The following MED18 variants were observed in gnomAD, a reference collection of about 807,000 sequenced individuals.
MED18 encodes mediator of RNA polymerase II transcription subunit 18.
MED18 carries 10 observed loss-of-function variants against 13.9 expected under a neutral mutation model. That is an observed-to-expected ratio of 0.72 (90% CI 0.44 to 1.22). MED18 has a LOEUF of 1.22. Among genes scored for constraint, MED18 ranks in the 50% most tolerant of loss-of-function variants. The pLI, the probability that MED18 is intolerant of heterozygous loss-of-function variation, is 0.00. For synonymous variants in MED18, 88 were observed against 93.2 expected (o/e 0.94, Z 0.32); for missense variants, 216 against 279.0 (o/e 0.77, Z 1.61).
Position 28,330,749 on chromosome 1 carries a change from G to A in MED18, c.73+14G>A, listed in dbSNP as rs558756985. On this transcript the variant is annotated intron_variant, in intron 2 of 2. Coordinates refer to ENST00000373842, the MANE Select transcript of MED18 (RefSeq NM_017638.3). ...ACCTGTTGCAGGGTAAGTGAACTAG[G>A]GAACTTGGATTACCTGTTTTCCTCT... is the stretch of plus-strand genomic sequence containing the variant. The A allele has an allele frequency of 1.8e-5, 28 of 1,579,194 alleles. No homozygotes were observed. In the East Asian group the frequency reaches 6.3e-4, roughly 36 times the overall value.
rs1031099045 is a variant in MED18 at position 28,334,665 on chromosome 1, A to G, written c.322A>G (p.Ile108Val). The change falls in exon 3 of 3, where the codon ATT becomes GTT. Residue 108 changes from isoleucine (I) to valine (V), a missense_variant. Coordinates refer to ENST00000373842, the MANE Select transcript of MED18 (RefSeq NM_017638.3). ...RHALVRNCVD[I>V]ATSENLTDFL... ...TGCCCTGGTGCGAAACTGCGTGGAC[A>G]TTGCCACATCTGAGAACCTCACCGA... 1 of 1,614,218 alleles carries G rather than the reference A, an allele frequency of 6.2e-7. No individual in the cohort carries two copies. Among genetic ancestry groups the G allele is most frequent in the East Asian group, 2.2e-5 (1 of 44,886 alleles).
intron 2 of MED18, among the ~76,000 whole-genome samples, chr1:28,331,672 A>G (rs2149054121): frequency 6.6e-6 from 1 of 152,182 alleles, no homozygotes; most frequent in African/African-American, 2.4e-5. Context: ...CTGCAACTCT[A>G]TACCCATTAA....
intron 2 of MED18, among the ~76,000 whole-genome samples, chr1:28,333,298 T>C (rs1448328495): frequency 1.3e-5 from 2 of 152,074 alleles, no homozygotes; most frequent in East Asian, 1.9e-4. Context: ...GAAAAGAGTA[T>C]TGATACAGAA....
Position 28,335,139 on chromosome 1 carries a change from T to C in MED18, c.*169T>C. On this transcript the variant is annotated 3_prime_UTR_variant, in exon 3 of 3. Coordinates refer to ENST00000373842, the MANE Select transcript of MED18 (RefSeq NM_017638.3). ...TCACTGCAACCTCTGCCTCCTGGGT[T>C]CAAGCAATTCTCCCACCTCAGCCTC... 1 of 615,622 alleles carries C rather than the reference T, an allele frequency of 1.6e-6. No individual in the cohort carries two copies. The highest frequency in any genetic ancestry group is 2.8e-6 in the Non-Finnish European group (1 of 359,702). 38.1% of individuals were successfully genotyped at this position (615,622 alleles called of 1,614,324 possible). A position where few individuals can be genotyped will look rare whatever the true frequency, so the allele number is the denominator to read the frequency against.
Position 28,334,434 on chromosome 1 carries a change from A to T in MED18, c.91A>T (p.Ser31Cys), listed in dbSNP as rs200869940. The T allele has an allele frequency of 3.7e-6, 6 of 1,613,578 alleles. No homozygotes were observed. Among genetic ancestry groups the T allele is most frequent in the Non-Finnish European group, 4.2e-6 (5 of 1,179,640 alleles). Residue 31 changes from serine to cysteine, a missense_variant, in exon 3 of 3, where the codon AGT becomes TGT. Physicochemically the swap from Ser to Cys is moderately radical, Grantham distance 112. Coordinates refer to ENST00000373842, the MANE Select transcript of MED18 (RefSeq NM_017638.3). ...GTTTTCAGGAAGTGTTTTAGATCACAGTTTGGAAAGCCTCATCCACCGCCT... is the reference window on the plus strand; with the variant it reads ...GTTTTCAGGAAGTGTTTTAGATCACTGTTTGGAAAGCCTCATCCACCGCCT... ...YLLQGSVLDHSLESLIHRLRG... is the reference protein window; with the variant it reads ...YLLQGSVLDHCLESLIHRLRG...
chr1:28,331,240 C>T (rs1405402735), intron 2 of MED18, among the ~76,000 whole-genome samples: 1 of 151,676 alleles, frequency 6.6e-6, no homozygotes, highest in Non-Finnish European at 1.5e-5. Flanking sequence ...GTGTACAGTT[C>T]TGTATTGTTA....
chr1:28,332,122 G>A (rs1019337397), intron 2 of MED18, among the ~76,000 whole-genome samples: 4 of 152,160 alleles, frequency 2.6e-5, no homozygotes, highest in Non-Finnish European at 4.4e-5. Flanking sequence ...CTAAAAAAAT[G>A]TATGTCAAGC....
At chr1:28,329,326 GC>G (rs1649623969) in intron 1 of MED18, 146 bp downstream of exon 1, 2 of 102,882 alleles carry the variant, frequency 1.9e-5, no homozygotes, top group African/African-American at 7.9e-5. Context: ...CGCTCTTGTT[GC>G]CCAGGCTGGA....
Position 28,330,609 on chromosome 1 carries a change from C to G in MED18, c.-54C>G. On this transcript the variant is annotated 5_prime_UTR_variant, in exon 2 of 3. Transcript: ENST00000373842. The stretch of plus-strand genomic sequence containing the variant: ...AACTCTTTTCCAGGTATATCCCGTG[C>G]CTTACCTGACTGGGGGCTCTGAGTC... The G allele has an allele frequency of 7.0e-7, 1 of 1,433,576 alleles. No homozygotes were observed. The highest frequency in any genetic ancestry group is 9.7e-7 in the Non-Finnish European group (1 of 1,027,016). The allele number at this position is 1,433,576 out of a possible 1,614,324, so 88.8% of individuals were successfully genotyped here.
rs1294322533 is a variant in MED18 at position 28,329,103 on chromosome 1, A to G, written c.-144A>G. 2 of 152,300 alleles carry G rather than the reference A, an allele frequency of 1.3e-5. No individual in the cohort carries two copies. The highest frequency in any genetic ancestry group is 3.9e-4 in the East Asian group (2 of 5,180). 9.4% of individuals were successfully genotyped at this position (152,300 alleles called of 1,614,324 possible). On this transcript the variant is annotated 5_prime_UTR_variant, in exon 1 of 3. Coordinates refer to ENST00000373842, the MANE Select transcript of MED18 (RefSeq NM_017638.3). ...CGGGTAACCGGAGTGCTGGTATCTA[A>G]TCGTCGCTCAAAAGCTCCTAGGTGC...
chr1:28,335,127 T>G lies in MED18; in HGVS notation c.*157T>G. On this transcript the variant is annotated 3_prime_UTR_variant, in exon 3 of 3. Transcript: ENST00000373842. ...CACGATCTCGGCTCACTGCAACCTC[T>G]GCCTCCTGGGTTCAAGCAATTCTCC... The G allele has an allele frequency of 3.0e-6, 2 of 668,772 alleles. No homozygotes were observed. Among genetic ancestry groups the G allele is most frequent in the Non-Finnish European group, 4.9e-6 (2 of 404,676 alleles). 41.4% of individuals were successfully genotyped at this position (668,772 alleles called of 1,614,324 possible).
At chr1:28,333,816 C>T (rs193009971) in intron 2 of MED18, among the ~76,000 whole-genome samples, 5 of 152,282 alleles carry the variant, frequency 3.3e-5, no homozygotes, top group Admixed American at 3.3e-4. Context: ...GCTGAGATCG[C>T]ACCACTGCAC....
chr1:28,332,419 A>C (rs1464783861), intron 2 of MED18, among the ~76,000 whole-genome samples: 1 of 152,118 alleles, frequency 6.6e-6, no homozygotes, highest in Non-Finnish European at 1.5e-5. Context: ...AAAAAAAAAA[A>C]ACAAAACTAT....
chr1:28,330,582 T>G lies in MED18; in HGVS notation c.-66-15T>G, dbSNP rs1649686582. 9.4e-7 allele frequency: 1 copy of G among 1,065,962 alleles called. No homozygotes were observed. Among genetic ancestry groups the G allele is most frequent in the South Asian group, 1.4e-5 (1 of 69,908 alleles). 66.0% of individuals were successfully genotyped at this position (1,065,962 alleles called of 1,614,324 possible). On this transcript the variant is annotated splice_polypyrimidine_tract_variant and intron_variant, in intron 1 of 2. Coordinates refer to ENST00000373842, the MANE Select transcript of MED18 (RefSeq NM_017638.3). ...TCCACCACTTTGATGTATAAACAAGTGAACTCTTTTCCAGGTATATCCCGT... is the reference window on the plus strand; with the variant it reads ...TCCACCACTTTGATGTATAAACAAGGGAACTCTTTTCCAGGTATATCCCGT...
At chr1:28,332,367 C>T (rs773927170) in intron 2 of MED18, among the ~76,000 whole-genome samples, 10 of 151,272 alleles carry the variant, frequency 6.6e-5, no homozygotes, top group Non-Finnish European at 1.2e-4. Flanking sequence ...GTTATAATCA[C>T]GCCACTGCTC....
rs530323679 is a variant in MED18, at chr1:28,329,139, A to C, written c.-108A>C. 1.3e-5 allele frequency: 2 copies of C among 152,202 alleles called. No homozygotes were observed. The highest frequency in any genetic ancestry group is 4.8e-5 in the African/African-American group (2 of 41,442). 9.4% of individuals were successfully genotyped at this position (152,202 alleles called of 1,614,324 possible). Reference sequence around the variant, plus strand: ...AAAGCTCCTAGGTGCGCGGGTGGATATAATTCCCGGCTTCTCGAGAAGACA... The same window carrying C: ...AAAGCTCCTAGGTGCGCGGGTGGATCTAATTCCCGGCTTCTCGAGAAGACA... On this transcript the variant is annotated 5_prime_UTR_variant, in exon 1 of 3. Coordinates refer to ENST00000373842, the MANE Select transcript of MED18 (RefSeq NM_017638.3).
At chr1:28,334,374 T>A (rs982651316) in intron 2 of MED18, 43 bp from the exon 3 acceptor site, 3 of 1,567,666 alleles carry the variant, frequency 1.9e-6, no homozygotes, top group Non-Finnish European at 1.7e-6. Context: ...CTCCATGACC[T>A]AAAATGAAAG....
chr1:28,333,013 T>A (rs1248795686), intron 2 of MED18, among the ~76,000 whole-genome samples: 1 of 152,174 alleles, frequency 6.6e-6, no homozygotes, highest in African/African-American at 2.4e-5. Flanking sequence ...GAGTCAAAGA[T>A]GATTTTCTGG....
rs998264209 is a variant in MED18, at chr1:28,334,295, G to C, written c.74-122G>C. The C allele has an allele frequency of 5.0e-5, 51 of 1,024,080 alleles. No individual in the cohort carries two copies. In the African/African-American group the frequency reaches 5.8e-4, roughly 12 times the overall value. 63.4% of individuals were successfully genotyped at this position (1,024,080 alleles called of 1,614,324 possible). ...TTTCTGTAAAATCTCATGTTTGGCTGTATGTTTTATGAAATGCTTCACTAA... is the reference window on the plus strand; with the variant it reads ...TTTCTGTAAAATCTCATGTTTGGCTCTATGTTTTATGAAATGCTTCACTAA... On this transcript the variant is annotated intron_variant, in intron 2 of 2. Transcript: ENST00000373842.
Sources: allele counts gnomAD v4.1 joint callset (sites outside exome capture counted in the v4.1 genomes callset), GRCh38; gene constraint gnomAD v4.1.1; transcripts MANE v1.5; gene names NCBI Gene and HGNC (gene_info 2026-07-23, HGNC 2026-07-21).